Variants in CTCF observed in about 807,000 individuals in gnomAD.
CTCF encodes CCCTC-binding factor, also known as transcriptional repressor CTCF.
In CTCF, 7 loss-of-function variants were observed where a neutral mutation model predicts 72.3. The ratio of observed to expected loss-of-function variants is 0.10; its 90% CI spans 0.06 to 0.18. The LOEUF is 0.18. CTCF is among the 10% of genes least tolerant of loss of function. CTCF has a pLI of 1.00. For synonymous variants in CTCF, 374 were observed against 315.8 expected (o/e 1.18, Z -1.95); for missense variants, 516 against 949.1 (o/e 0.54, Z 6.00).
intron 1 of CTCF, among the ~76,000 whole-genome samples, chr16:67,569,210 C>CA (rs1451957448): frequency 6.6e-6 from 1 of 150,786 alleles, no homozygotes; most frequent in African/African-American, 2.4e-5. Flanking sequence ...TTTTTTGAGA[C>CA]AGAGTCTCAC....
intron 2 of CTCF, among the ~76,000 whole-genome samples, chr16:67,593,576 G>T (rs528915915): frequency 6.6e-6 from 1 of 152,040 alleles, no homozygotes; most frequent in Non-Finnish European, 1.5e-5. Flanking sequence ...CTGAGGGTTC[G>T]TATCAACCTC....
At chr16:67,600,055 G>A (rs1301947349) in intron 2 of CTCF, among the ~76,000 whole-genome samples, 5 of 151,984 alleles carry the variant, frequency 3.3e-5, no homozygotes, top group Non-Finnish European at 1.5e-5. Flanking sequence ...TGAAGGAATA[G>A]GATGAGTTTC....
intron 1 of CTCF, chr16:67,563,542 C>G (rs1309550768): frequency 6.6e-6 from 1 of 152,244 alleles, no homozygotes; most frequent in Non-Finnish European, 1.5e-5. Flanking sequence ...CAAACTCGCG[C>G]CCGGGTTCCT....
At chr16:67,568,789 A>C (rs534321989) in intron 1 of CTCF, among the ~76,000 whole-genome samples, 2 of 151,628 alleles carry the variant, frequency 1.3e-5, no homozygotes, top group South Asian at 4.2e-4. Context: ...GTGGCCTCTC[A>C]AAGTGCTGGA....
At chr16:67,603,908 G>A (rs965172427) in intron 2 of CTCF, among the ~76,000 whole-genome samples, 18 of 151,184 alleles carry the variant, frequency 1.2e-4, no homozygotes, top group Admixed American at 2.6e-4. Flanking sequence ...GCGGGCAGAT[G>A]ACTTGAGCCC....
intron 2 of CTCF, among the ~76,000 whole-genome samples, chr16:67,593,111 A>G (rs1218560047): frequency 2.0e-5 from 3 of 149,608 alleles, no homozygotes; most frequent in Non-Finnish European, 3.0e-5. Context: ...ATATTTTAAT[A>G]TATGGTTTTT....
In CTCF at chr16:67,610,765, A is replaced by G. The variant is rs1048398579; in HGVS notation, c.-9-59A>G. On this transcript the variant is annotated intron_variant, in intron 2 of 11. Coordinates refer to ENST00000264010, the MANE Select transcript of CTCF (RefSeq NM_006565.4). ...AAAGGGTCTTTTTGTTTTAAAATGT[A>G]TATTTTTATTTAGACATGCTTTGCT... 5 of 1,255,674 alleles carry G rather than the reference A, an allele frequency of 4.0e-6. No homozygotes were observed. The African/African-American group carries it at 4.5e-5, about 11-fold the overall frequency. 77.8% of individuals were successfully genotyped at this position (1,255,674 alleles called of 1,614,324 possible). A position where few individuals can be genotyped will look rare whatever the true frequency, so the allele number is the denominator to read the frequency against.
intron 2 of CTCF, among the ~76,000 whole-genome samples, chr16:67,577,305 T>A (rs2051510417): frequency 6.9e-6 from 1 of 144,440 alleles, no homozygotes; most frequent in South Asian, 2.2e-4. Flanking sequence ...TAGTCCCAGC[T>A]ACTTGAGGAG....
At chr16:67,621,227 G>C in intron 6 of CTCF, 1 of 471,008 alleles carries the variant, frequency 2.1e-6, no homozygotes, top group South Asian at 4.2e-5. Flanking sequence ...GAGGATTCCA[G>C]AGTAGAGCTG....
At chr16:67,625,864 C>T (rs1453505650) in intron 7 of CTCF, among the ~76,000 whole-genome samples, 1 of 146,000 alleles carries the variant, frequency 6.8e-6, no homozygotes, top group East Asian at 2.1e-4. Flanking sequence ...AGCCCTCTTC[C>T]ACTATTCTTG....
At chr16:67,623,303 T>TC (rs923640279) in intron 7 of CTCF, 36 of 151,850 alleles carry the variant, frequency 2.4e-4, no homozygotes, top group African/African-American at 8.2e-4. Context: ...CTTTTTTCTC[T>TC]CCCCTCTTGG....
chr16:67,610,982 G>A lies in CTCF; in HGVS notation c.150G>A (p.Val50=), dbSNP rs747412227. Residue 50 remains valine (V), a synonymous_variant, in exon 3 of 12, where the codon GTG becomes GTA. Coordinates refer to ENST00000264010, the MANE Select transcript of CTCF (RefSeq NM_006565.4). ...AGAACCAGACGGATGGGGGTGAGGT[G>A]GTCCAGGATGTCAACAGCAGTGTAC... is the stretch of plus-strand genomic sequence containing the variant. ...LPQNQTDGGE[V]VQDVNSSVQM... The A allele has an allele frequency of 1.2e-5, 19 of 1,602,072 alleles. No individual in the cohort carries two copies. The highest frequency in any genetic ancestry group is 1.7e-4 in the Middle Eastern group (1 of 6,046).
chr16:67,596,210 C>T (rs1236037138), intron 2 of CTCF, among the ~76,000 whole-genome samples: 1 of 152,172 alleles, frequency 6.6e-6, no homozygotes, highest in Non-Finnish European at 1.5e-5. Flanking sequence ...CCTTGGCCTC[C>T]CAAAGTGCTG....
chr16:67,622,818 T>G (rs2052220936), intron 7 of CTCF, among the ~76,000 whole-genome samples: 1 of 148,962 alleles, frequency 6.7e-6, no homozygotes. Flanking sequence ...TAAATTTTTT[T>G]TTTTTTTTTT....
intron 10 of CTCF, among the ~76,000 whole-genome samples, chr16:67,634,516 C>CTT (rs35780985): frequency 0.074 from 7,670 of 104,094 alleles, 446 homozygotes; most frequent in Middle Eastern, 0.12. Flanking sequence ...CCTAAATGGG[C>CTT]TTTTTTTTTT....
At chr16:67,564,447 T>G (rs1321502404) in intron 1 of CTCF, among the ~76,000 whole-genome samples, 1 of 152,232 alleles carries the variant, frequency 6.6e-6, no homozygotes, top group African/African-American at 2.4e-5. Context: ...TGCAGTCCTC[T>G]TCGTAGGCAC....
In CTCF at chr16:67,628,468, C is replaced by T; in HGVS notation, c.1617C>T (p.Asp539=). Residue 539 remains aspartate (D), a synonymous_variant, in exon 9 of 12, where the codon GAC becomes GAT. Transcript: ENST00000264010. ...CCTTCCGCCAGAAGCAGCTTCTCGA[C>T]ATGCACTTCAAGCGCTATCACGACC... The part of the protein sequence containing the change: ...DKTFRQKQLL[D]MHFKRYHDPN... The T allele has an allele frequency of 6.2e-7, 1 of 1,614,226 alleles. No individual in the cohort carries two copies. The highest frequency in any genetic ancestry group is 1.1e-5 in the South Asian group (1 of 91,090).
intron 11 of CTCF, among the ~76,000 whole-genome samples, chr16:67,637,439 G>A (rs905875732): frequency 2.0e-5 from 3 of 152,208 alleles, no homozygotes; most frequent in African/African-American, 7.2e-5. Context: ...GGCTGAGGCA[G>A]GAGAATTGCT....
At chr16:67,624,690 G>A (rs1281041117) in intron 7 of CTCF, among the ~76,000 whole-genome samples, 1 of 151,462 alleles carries the variant, frequency 6.6e-6, no homozygotes, top group East Asian at 1.9e-4. Context: ...CCAGGCTCAA[G>A]GAATCCTCCC....
Sources: gnomAD v4.1 joint callset for allele counts (sites outside exome capture counted in the v4.1 genomes callset) on GRCh38, gnomAD v4.1.1 for gene constraint, MANE v1.5 for transcripts, NCBI Gene and HGNC (gene_info 2026-07-23, HGNC 2026-07-21) for gene names.